Variants in AACS observed in about 807,000 individuals in gnomAD.
AACS encodes acetoacetate-CoA ligase.
AACS carries 69 observed loss-of-function variants against 83.1 expected under a neutral mutation model. The ratio of observed to expected loss-of-function variants is 0.83; its 90% CI spans 0.68 to 1.01. AACS has a LOEUF of 1.01. Ranked by LOEUF, AACS falls within the 50% of genes least tolerant of loss-of-function variation. AACS has a pLI of 0.00. For missense variants in AACS, 866 were observed against 882.2 expected (o/e 0.98, Z 0.23); for synonymous variants, 333 against 343.4 (o/e 0.97, Z 0.33).
intron 8 of AACS, among the ~76,000 whole-genome samples, chr12:125,109,682 G>A (rs977255434): frequency 5.3e-5 from 8 of 152,140 alleles, no homozygotes; most frequent in African/African-American, 1.4e-4. Context: ...CAGTCAGGTC[G>A]CCAGTTCCCC....
At chr12:125,105,182 G>C (rs1431610105) in intron 7 of AACS, 1 of 152,228 alleles carries the variant, frequency 6.6e-6, no homozygotes, top group Non-Finnish European at 1.5e-5. Context: ...CACGAGATGA[G>C]GGTGGGGACA....
rs1957312770 is a variant in AACS, at chr12:125,130,305, GGGCAT to G, written c.1549+846_1549+850del. On this transcript the variant is annotated intron_variant, in intron 14 of 17. Transcript: ENST00000316519. This position sits in a 1 kb window ranked among gnomAD's most constrained non-coding sequence, Gnocchi z 4.9. ...AATAGTGCCTTCCTGCAGCAGCGTG[GGGCAT>G]CCCCCCAGGGGTGGCTCAGCCTCCA... is the stretch of plus-strand genomic sequence containing the variant. Among the ~76,000 whole-genome samples, 1 of 152,246 alleles carries G rather than the reference GGGCAT, an allele frequency of 6.6e-6. No individual in the cohort carries two copies. Among genetic ancestry groups the G allele is most frequent in the Admixed American group, 6.5e-5 (1 of 15,292 alleles).
chr12:125,091,333 C>G, intron 4 of AACS, 93 bp from the exon 5 acceptor site: 1 of 1,286,978 alleles, frequency 7.8e-7, no homozygotes, highest in Admixed American at 1.9e-5. Context: ...GCCCCCTTCC[C>G]ACTCTGACCT....
In AACS at chr12:125,065,520, C is replaced by A; in HGVS notation, c.-65C>A. ...GCTTCCTCCGGTCCCAGGTCCCCGG[C>A]CCTCGCCTCAGCCCCGGCCCCTGGT... On this transcript the variant is annotated 5_prime_UTR_variant, in exon 1 of 18. Transcript: ENST00000316519. The A allele has an allele frequency of 7.2e-7, 1 of 1,392,342 alleles. No homozygotes were observed. The highest frequency in any genetic ancestry group is 3.7e-5 in the Admixed American group (1 of 27,266). The allele number at this position is 1,392,342 out of a possible 1,614,324, so 86.2% of individuals were successfully genotyped here. A position where few individuals can be genotyped will look rare whatever the true frequency, so the allele number is the denominator to read the frequency against.
At chr12:125,131,081 G>A (rs75627386) in intron 14 of AACS, among the ~76,000 whole-genome samples, 5,669 of 152,230 alleles carry the variant, frequency 0.037, 369 homozygotes, top group African/African-American at 0.13. Context: ...GTTTTTGGAC[G>A]TCGTTACCTT....
intron 3 of AACS, among the ~76,000 whole-genome samples, chr12:125,084,390 T>C (rs540904197): frequency 1.1e-4 from 17 of 151,084 alleles, no homozygotes; most frequent in Non-Finnish European, 2.1e-4. Context: ...TCCCCTCCTT[T>C]CCTTCTTTCC....
At chr12:125,095,043 C>G (rs932834449) in intron 5 of AACS, among the ~76,000 whole-genome samples, 2 of 151,772 alleles carry the variant, frequency 1.3e-5, no homozygotes, top group African/African-American at 4.8e-5. Context: ...GTAAATAGGA[C>G]AGCCATTCTC....
At chr12:125,093,265 C>T (rs1053009612) in intron 5 of AACS, among the ~76,000 whole-genome samples, 1 of 152,208 alleles carries the variant, frequency 6.6e-6, no homozygotes, top group Non-Finnish European at 1.5e-5. Context: ...GTAGCCTCCT[C>T]CCCCTGGAGA....
rs1230569792 is a variant in AACS, at chr12:125,129,627, A to G, written c.1549+167A>G. On this transcript the variant is annotated intron_variant, in intron 14 of 17. Transcript: ENST00000316519. The surrounding 1 kb of genome is among the most constrained non-coding windows in gnomAD (Gnocchi z 4.3). ...TGGGGGGATAATGAATTTTTGATCA[A>G]TATCTTGTTGTCTTCAGCTTGAAGC... is the stretch of plus-strand genomic sequence containing the variant. 6.6e-6 allele frequency among the ~76,000 whole-genome samples: 1 copy of G among 152,048 alleles called. No individual in the cohort carries two copies. Among genetic ancestry groups the G allele is most frequent in the East Asian group, 1.9e-4 (1 of 5,184 alleles).
chr12:125,131,508 G>A (rs780085802), intron 14 of AACS, among the ~76,000 whole-genome samples: 19 of 151,926 alleles, frequency 1.3e-4, no homozygotes, highest in Non-Finnish European at 2.2e-4. Flanking sequence ...CACCACACCC[G>A]GCCTTGTGTA....
intron 8 of AACS, among the ~76,000 whole-genome samples, chr12:125,110,802 A>AGATAGGTGGG (rs1956939106): frequency 6.6e-6 from 1 of 152,206 alleles, no homozygotes; most frequent in Admixed American, 6.5e-5. Context: ...CGTTCCCTCT[A>AGATAGGTGGG]CCTAGAAGCA....
Position 125,094,310 on chromosome 12 carries a change from T to C in AACS, c.570+2787T>C, listed in dbSNP as rs1029119284. Among the ~76,000 whole-genome samples, 5 of 152,258 alleles carry C rather than the reference T, an allele frequency of 3.3e-5. No homozygotes were observed. Among genetic ancestry groups the C allele is most frequent in the Non-Finnish European group, 7.3e-5 (5 of 68,046 alleles). ...CAGAAACTGCAATGAAGCGTGAATG[T>C]CTTCCCTTTGGAATCATGTTTTCTC... On this transcript the variant is annotated intron_variant, in intron 5 of 17. Coordinates refer to ENST00000316519, the MANE Select transcript of AACS (RefSeq NM_023928.5). The surrounding 1 kb of genome is among the most constrained non-coding windows in gnomAD (Gnocchi z 4.1).
chr12:125,103,499 A>G (rs1956762337), intron 7 of AACS, among the ~76,000 whole-genome samples: 1 of 152,224 alleles, frequency 6.6e-6, no homozygotes, highest in Non-Finnish European at 1.5e-5. Flanking sequence ...GCATTTACAC[A>G]CGTGCATACG....
rs1274231867 is a variant in AACS, at chr12:125,140,405, A to AT, written c.1882-1685dup. 6.6e-6 allele frequency: 1 copy of AT among 152,166 alleles called. No individual in the cohort carries two copies. Among genetic ancestry groups the AT allele is most frequent in the Non-Finnish European group, 1.5e-5 (1 of 68,048 alleles). 9.4% of individuals were successfully genotyped at this position (152,166 alleles called of 1,614,324 possible). A position where few individuals can be genotyped will look rare whatever the true frequency, so the allele number is the denominator to read the frequency against. ...TTGCCAGCGGGTGGAAGGTGGCGGTATTAGCTCCCGTGAGCTGCACGTGGA... is the reference window on the plus strand; with the variant it reads ...TTGCCAGCGGGTGGAAGGTGGCGGTATTTAGCTCCCGTGAGCTGCACGTGGA... On this transcript the variant is annotated intron_variant, in intron 17 of 17. Transcript: ENST00000316519. This position sits in a 1 kb window ranked among gnomAD's most constrained non-coding sequence, Gnocchi z 5.1.
At chr12:125,111,054 G>C (rs371206413) in intron 8 of AACS, among the ~76,000 whole-genome samples, 19 of 152,274 alleles carry the variant, frequency 1.2e-4, no homozygotes, top group African/African-American at 4.6e-4. Flanking sequence ...GAGGGGCTGA[G>C]GTCAGGGGTG....
Position 125,140,039 on chromosome 12 carries a change from C to T in AACS, c.1882-2053C>T, listed in dbSNP as rs1180106695. On this transcript the variant is annotated intron_variant, in intron 17 of 17. Coordinates refer to ENST00000316519, the MANE Select transcript of AACS (RefSeq NM_023928.5). This position sits in a 1 kb window ranked among gnomAD's most constrained non-coding sequence, Gnocchi z 5.1. ...GAAGGGGTGTCCATAGTCAGCTCTGCCTTCTGCTCACCCAGAATAAAGACC... is the reference window on the plus strand; with the variant it reads ...GAAGGGGTGTCCATAGTCAGCTCTGTCTTCTGCTCACCCAGAATAAAGACC... 2 of 152,186 alleles carry T rather than the reference C, an allele frequency of 1.3e-5. No homozygotes were observed. Among genetic ancestry groups the T allele is most frequent in the African/African-American group, 4.8e-5 (2 of 41,438 alleles). The allele number at this position is 152,186 out of a possible 1,614,324, so 9.4% of individuals were successfully genotyped here.
At chr12:125,116,588 C>T (rs920044727) in intron 9 of AACS, among the ~76,000 whole-genome samples, 5 of 152,064 alleles carry the variant, frequency 3.3e-5, no homozygotes, top group East Asian at 1.9e-4. Flanking sequence ...CTCAGCCTCC[C>T]GAGTAGCTGG....
chr12:125,124,628 A>G (rs113468494), intron 10 of AACS, 77 bp from the exon 11 acceptor site: 1 of 1,566,402 alleles, frequency 6.4e-7, no homozygotes, highest in African/African-American at 1.4e-5. Flanking sequence ...TGTCAGAAAT[A>G]AATCACTAAC....
intron 4 of AACS, among the ~76,000 whole-genome samples, chr12:125,088,185 A>T (rs1175860863): frequency 1.3e-5 from 2 of 150,564 alleles, no homozygotes; most frequent in Non-Finnish European, 3.0e-5. Flanking sequence ...TGTTTATTGA[A>T]TGAATGACTA....
Sources: gnomAD v4.1 joint callset for allele counts (sites outside exome capture counted in the v4.1 genomes callset) on GRCh38, gnomAD v4.1.1 for gene constraint, Gnocchi (gnomAD v3.1) non-coding constraint, MANE v1.5 for transcripts, NCBI Gene and HGNC (gene_info 2026-07-23, HGNC 2026-07-21) for gene names.